PRMT8: variants seen among roughly 807,000 people sequenced by gnomAD.
PRMT8 encodes protein arginine methyltransferase 8, also known as protein arginine N-methyltransferase 8.
PRMT8 carries 7 observed loss-of-function variants against 47.1 expected under a neutral mutation model. The observed-to-expected ratio is 0.15, with a 90% CI of 0.08 to 0.28. The LOEUF is 0.28. Ranked by LOEUF, PRMT8 falls within the 10% of genes least tolerant of loss-of-function variation. PRMT8 has a pLI of 1.00. For missense variants in PRMT8, 237 were observed against 505.4 expected (o/e 0.47, Z 5.09); for synonymous variants, 188 against 186.5 (o/e 1.01, Z -0.07).
intron 1 of PRMT8, among the ~76,000 whole-genome samples, chr12:3,496,914 ATT>A (rs34785835): frequency 0.11 from 14,464 of 129,348 alleles, 695 homozygotes; most frequent in African/African-American, 0.2. Context: ...AAGATACCCA[ATT>A]TTTTTTTTTT....
intron 1 of PRMT8, among the ~76,000 whole-genome samples, chr12:3,481,413 C>T (rs1305466732): frequency 6.6e-6 from 1 of 152,162 alleles, no homozygotes; most frequent in Admixed American, 6.5e-5. Context: ...GGCTTTTGTG[C>T]CCTTACAGAG....
chr12:3,381,451 G>C, intron 1 of PRMT8: 2 of 1,535,952 alleles, frequency 1.3e-6, no homozygotes, highest in Non-Finnish European at 1.7e-6. Flanking sequence ...CTGTAAGTCA[G>C]CTTGTATGGT....
chr12:3,515,931 T>C (rs7972248), intron 1 of PRMT8, among the ~76,000 whole-genome samples: 78,713 of 152,178 alleles, frequency 0.52, 20,626 homozygotes, highest in East Asian at 0.61. Flanking sequence ...CTCTGTCTTT[T>C]GCTGCTCTTC....
At position 3,569,331 on chromosome 12, in the gene PRMT8, C is replaced by CCTCA; in HGVS notation, c.625-144_625-141dup. 1.4e-6 allele frequency: 1 copy of CCTCA among 740,576 alleles called. No homozygotes were observed. Among genetic ancestry groups the CCTCA allele is most frequent in the Non-Finnish European group, 2.4e-6 (1 of 411,988 alleles). The allele number at this position is 740,576 out of a possible 1,614,324, so 45.9% of individuals were successfully genotyped here. On this transcript the variant is annotated intron_variant, in intron 5 of 9. Transcript: ENST00000382622. The surrounding 1 kb of genome is among the most constrained non-coding windows in gnomAD (Gnocchi z 8.2). The stretch of plus-strand genomic sequence containing the variant: ...AAAAATTGAGCACTGCTGTCCTAGC[C>CCTCA]CTCACCCCAGACAAGGTGACAGTCC...
intron 1 of PRMT8, among the ~76,000 whole-genome samples, chr12:3,427,457 C>T (rs923359143): frequency 2.0e-4 from 30 of 152,046 alleles, no homozygotes; most frequent in African/African-American, 7.2e-4. Flanking sequence ...TTATAATTAA[C>T]GTTTTAAAAC....
rs145947447 is a variant in PRMT8 at position 3,454,266 on chromosome 12, C to T, written c.48+72824C>T. Among the ~76,000 whole-genome samples, 849 of 152,278 alleles carry T rather than the reference C, an allele frequency of 5.6e-3. 6 individuals are homozygous for T. The highest frequency in any genetic ancestry group is 0.019 in the African/African-American group (804 of 41,560). The stretch of plus-strand genomic sequence containing the variant: ...TTCTGACTCCCTGACGGGGAGCCTG[C>T]GGATGGATTCCCAGGACCTGGTTCC... On this transcript the variant is annotated intron_variant, in intron 1 of 9. Coordinates refer to the PRMT8 transcript ENST00000452611.
chr12:3,404,029 C>A (rs942315410), intron 1 of PRMT8, among the ~76,000 whole-genome samples: 1 of 151,690 alleles, frequency 6.6e-6, no homozygotes, highest in Non-Finnish European at 1.5e-5. Context: ...ATCAAACAAA[C>A]ATCCATACGT....
intron 1 of PRMT8, among the ~76,000 whole-genome samples, chr12:3,464,985 G>A (rs983832773): frequency 1.5e-4 from 23 of 151,566 alleles, no homozygotes; most frequent in East Asian, 5.8e-4. Context: ...TTAGCCGGGC[G>A]TGGTGGTGCA....
chr12:3,571,006 A>G (rs1866834773), intron 6 of PRMT8, among the ~76,000 whole-genome samples: 1 of 152,232 alleles, frequency 6.6e-6, no homozygotes, highest in Non-Finnish European at 1.5e-5. Context: ...TGAGCAAATT[A>G]TCTAATACCT....
rs145877968 is a variant in PRMT8 at position 3,430,266 on chromosome 12, T to C, written c.48+48824T>C. Among the ~76,000 whole-genome samples the C allele has an allele frequency of 5.3e-3, 813 of 152,294 alleles. 10 individuals carry two copies. Among genetic ancestry groups the C allele is most frequent in the African/African-American group, 0.019 (773 of 41,566 alleles). ...TTTTCCATACAATGTCTGCAATCTATAGATAACACAAGCAGTTAGGTCAGG... is the reference window on the plus strand; with the variant it reads ...TTTTCCATACAATGTCTGCAATCTACAGATAACACAAGCAGTTAGGTCAGG... On this transcript the variant is annotated intron_variant, in intron 1 of 9. Coordinates refer to the PRMT8 transcript ENST00000452611.
chr12:3,553,451 G>A (rs750692150), intron 3 of PRMT8, 200 bp from the exon 4 acceptor site: 2 of 608,680 alleles, frequency 3.3e-6, no homozygotes, highest in African/African-American at 1.9e-5. Flanking sequence ...TTTCGCAAAG[G>A]CAGCCCAATT....
At chr12:3,463,004 T>TA (rs762878584) in intron 1 of PRMT8, 6 of 150,150 alleles carry the variant, frequency 4.0e-5, no homozygotes, top group Non-Finnish European at 5.9e-5. Context: ...AAAATATGTA[T>TA]AGAAACTGTG....
chr12:3,589,451 T>C (rs1867253499), intron 8 of PRMT8, among the ~76,000 whole-genome samples: 1 of 152,196 alleles, frequency 6.6e-6, no homozygotes, highest in Admixed American at 6.5e-5. Context: ...AATTAATGTC[T>C]TTCCCACTCT....
chr12:3,543,318 G>A (rs1223181863), intron 2 of PRMT8, among the ~76,000 whole-genome samples: 13 of 152,204 alleles, frequency 8.5e-5, no homozygotes, highest in Admixed American at 4.6e-4. Flanking sequence ...GCACGTGGAA[G>A]AACTTTTAAC....
At chr12:3,496,339 T>C (rs1340270071) in intron 1 of PRMT8, among the ~76,000 whole-genome samples, 1 of 149,434 alleles carries the variant, frequency 6.7e-6, no homozygotes, top group African/African-American at 2.5e-5. Flanking sequence ...CAGTGAGTTA[T>C]GGGGATAACT....
At chr12:3,397,530 A>AG (rs1296656115) in intron 1 of PRMT8, among the ~76,000 whole-genome samples, 6 of 151,526 alleles carry the variant, frequency 4.0e-5, no homozygotes, top group African/African-American at 1.5e-4. Context: ...CTCGGGGGTC[A>AG]GGGGTCAGGG....
chr12:3,580,343 T>TGTGC lies in PRMT8; in HGVS notation c.829-2712_829-2711insCGTG, dbSNP rs1867035469. On this transcript the variant is annotated intron_variant, in intron 7 of 9. Transcript: ENST00000382622. The surrounding 1 kb of genome is among the most constrained non-coding windows in gnomAD (Gnocchi z 4.6). The stretch of plus-strand genomic sequence containing the variant: ...CAGATGGGGGGTGCGTGTGCGTGTG[T>TGTGC]GTGTGTGTGTGTGTGTGTGTGTGTA... 6.7e-6 allele frequency among the ~76,000 whole-genome samples: 1 copy of TGTGC among 148,572 alleles called. No homozygotes were observed.
chr12:3,422,284 T>G (rs956509843), intron 1 of PRMT8, among the ~76,000 whole-genome samples: 1 of 152,192 alleles, frequency 6.6e-6, no homozygotes, highest in African/African-American at 2.4e-5. Flanking sequence ...TTTGGTATCA[T>G]GTAGGAGGAC....
At chr12:3,424,334 C>T (rs530718387) in intron 1 of PRMT8, among the ~76,000 whole-genome samples, 2 of 152,274 alleles carry the variant, frequency 1.3e-5, no homozygotes, top group African/African-American at 4.8e-5. Flanking sequence ...TTGTTCCTTT[C>T]TGAAGGTGGA....
Sources: gnomAD v4.1 joint callset for allele counts (sites outside exome capture counted in the v4.1 genomes callset) on GRCh38, gnomAD v4.1.1 for gene constraint, Gnocchi (gnomAD v3.1) non-coding constraint, MANE v1.5 for transcripts, NCBI Gene and HGNC (gene_info 2026-07-23, HGNC 2026-07-21) for gene names.